Variants in PNPLA3 observed in about 807,000 individuals in gnomAD.
PNPLA3 encodes patatin like domain 3, 1-acylglycerol-3-phosphate O-acyltransferase, also known as 1-acylglycerol-3-phosphate O-acyltransferase PNPLA3.
A neutral mutation model predicts 43.1 loss-of-function variants in PNPLA3; 42 were observed. The observed-to-expected ratio is 0.97, with a 90% confidence interval of 0.76 to 1.26. The LOEUF (loss-of-function observed/expected upper bound fraction) is 1.26, where lower values mean the gene tolerates loss of function less well. PNPLA3 is among the 50% of genes most tolerant of loss of function. PNPLA3 has a pLI of 0.00. For missense variants in PNPLA3, 647 were observed against 621.4 expected (o/e 1.04, Z -0.44); for synonymous variants, 272 against 253.6 (o/e 1.07, Z -0.69).
At chr22:43,924,775 G>T (rs1325874657) in intron 1 of PNPLA3, among the ~76,000 whole-genome samples, 1 of 151,916 alleles carries the variant, frequency 6.6e-6, no homozygotes, top group Admixed American at 6.6e-5. Context: ...AGCCTCCCGA[G>T]TAGCTGGGAC....
At chr22:43,928,365 C>T (rs1462142107) in intron 2 of PNPLA3, among the ~76,000 whole-genome samples, 4 of 152,198 alleles carry the variant, frequency 2.6e-5, no homozygotes, top group South Asian at 2.1e-4. Flanking sequence ...GCAGCAGCTC[C>T]TTTGAGCTTA....
Position 43,940,139 on chromosome 22 carries a change from G to A in PNPLA3, c.1112+14G>A, listed in dbSNP as rs138736228. On this transcript the variant is annotated intron_variant, in intron 7 of 8. Transcript: ENST00000216180. ...GATTGTCCAGAGGTGAGCATTTTAG[G>A]TGGCTCCGTGTCTTCCTCACAGGGT... 5.3e-4 allele frequency: 852 copies of A among 1,611,980 alleles called. 17 individuals are homozygous for A. The South Asian group carries it at 7.9e-3, about 15-fold the overall frequency.
At position 43,947,142 on chromosome 22, in the gene PNPLA3, T is replaced by C. The variant is rs545853993; in HGVS notation, c.*760T>C. The C allele has an allele frequency of 1.3e-4, 25 of 190,136 alleles. No individual in the cohort carries two copies. The highest frequency in any genetic ancestry group is 2.4e-4 in the Non-Finnish European group (22 of 91,626). 11.8% of individuals were successfully genotyped at this position (190,136 alleles called of 1,614,324 possible). ...GGGAGGCCAAGGTTGGCAGATCACC[T>C]GAGGTCAGGAGTTCAAGACCAGTCT... On this transcript the variant is annotated 3_prime_UTR_variant, in exon 9 of 9. Transcript: ENST00000216180.
At chr22:43,929,356 A>T (rs528057072) in intron 3 of PNPLA3, among the ~76,000 whole-genome samples, 14 of 151,612 alleles carry the variant, frequency 9.2e-5, no homozygotes, top group Non-Finnish European at 2.1e-4. Context: ...TGCACCTGTA[A>T]TCCCAGCTGC....
intron 6 of PNPLA3, among the ~76,000 whole-genome samples, 186 bp from the exon 7 acceptor site, chr22:43,939,807 A>G (rs1224687473): frequency 1.3e-5 from 2 of 152,142 alleles, no homozygotes; most frequent in Non-Finnish European, 2.9e-5. Context: ...AACAAGAGCA[A>G]AACTCTGTCT....
chr22:43,935,573 G>A (rs1207523717), intron 5 of PNPLA3, among the ~76,000 whole-genome samples: 1 of 152,084 alleles, frequency 6.6e-6, no homozygotes, highest in African/African-American at 2.4e-5. Flanking sequence ...AAGACTTTGG[G>A]GATAAGTAGG....
chr22:43,934,465 C>G lies in PNPLA3; in HGVS notation c.697-141C>G, dbSNP rs538807230. 78 of 770,458 alleles carry G rather than the reference C, an allele frequency of 1.0e-4. No homozygotes were observed. The South Asian group carries it at 1.3e-3, about 13-fold the overall frequency. 47.7% of individuals were successfully genotyped at this position (770,458 alleles called of 1,614,324 possible). ...GGGAGCACAGAGCCCTTTGCTCAGC[C>G]CCCAGGTGGCTCAGTGCCCCCAGCC... On this transcript the variant is annotated intron_variant, in intron 4 of 8. Coordinates refer to ENST00000216180, the MANE Select transcript of PNPLA3 (RefSeq NM_025225.3).
At chr22:43,927,260 A>G in intron 2 of PNPLA3, 93 bp downstream of exon 2, 1 of 1,196,494 alleles carries the variant, frequency 8.4e-7, no homozygotes, top group Non-Finnish European at 1.2e-6. Context: ...GCACTTTGGG[A>G]GGCCGAAGCG....
intron 6 of PNPLA3, 64 bp from the exon 7 acceptor site, chr22:43,939,929 C>G: frequency 1.2e-6 from 2 of 1,611,696 alleles, no homozygotes; most frequent in Non-Finnish European, 1.7e-6. Flanking sequence ...TAAGCACCAA[C>G]AGAGTAAAGT....
rs990065153 is a variant in PNPLA3, at chr22:43,939,870, G to A, written c.980-123G>A. ...AAACCCCACCTTGTCGCTTTTGTGA[G>A]TGCCTCTGACCCTTTGGCTGCCAGG... On this transcript the variant is annotated intron_variant, in intron 6 of 8. Coordinates refer to ENST00000216180, the MANE Select transcript of PNPLA3 (RefSeq NM_025225.3). The A allele has an allele frequency of 2.7e-5, 36 of 1,349,792 alleles. No individual in the cohort carries two copies. In the African/African-American group the frequency reaches 4.4e-4, roughly 16 times the overall value. The allele number at this position is 1,349,792 out of a possible 1,614,324, so 83.6% of individuals were successfully genotyped here. A position where few individuals can be genotyped will look rare whatever the true frequency, so the allele number is the denominator to read the frequency against.
intron 5 of PNPLA3, among the ~76,000 whole-genome samples, chr22:43,936,386 G>A (rs2049995512): frequency 6.6e-6 from 1 of 152,134 alleles, no homozygotes. Context: ...TGGGCCAGGT[G>A]CAGCTGTGGT....
intron 3 of PNPLA3, among the ~76,000 whole-genome samples, chr22:43,929,102 TG>T (rs1354889124): frequency 6.6e-6 from 1 of 152,220 alleles, no homozygotes; most frequent in Non-Finnish European, 1.5e-5. Context: ...ATTAATTATT[TG>T]GCTATCTGTA....
intron 3 of PNPLA3, among the ~76,000 whole-genome samples, chr22:43,930,345 GT>G (rs2049954054): frequency 6.6e-6 from 1 of 152,202 alleles, no homozygotes; most frequent in Admixed American, 6.5e-5. Context: ...ATTCTCTGTA[GT>G]TTGGGGTCCA....
intron 4 of PNPLA3, 102 bp from the exon 5 acceptor site, chr22:43,934,504 C>G: frequency 8.2e-7 from 1 of 1,223,458 alleles, no homozygotes; most frequent in Non-Finnish European, 1.2e-6. Flanking sequence ...AGACTCAGAG[C>G]TTGCATGATT....
chr22:43,943,735 A>C (rs1237917608), intron 7 of PNPLA3, among the ~76,000 whole-genome samples: 1 of 152,014 alleles, frequency 6.6e-6, no homozygotes, highest in Non-Finnish European at 1.5e-5. Flanking sequence ...TTACACGAAG[A>C]TTTGGTGGGT....
chr22:43,944,827 G>C, intron 8 of PNPLA3, 32 bp downstream of exon 8: 1 of 1,559,516 alleles, frequency 6.4e-7, no homozygotes, highest in Non-Finnish European at 8.8e-7. Context: ...GTGTGGGCCG[G>C]ACGGGCACCT....
At chr22:43,928,986 G>T (rs1431509641) in intron 3 of PNPLA3, 97 bp downstream of exon 3, 2 of 1,265,410 alleles carry the variant, frequency 1.6e-6, no homozygotes, top group Non-Finnish European at 2.3e-6. Flanking sequence ...GGCACCTCAG[G>T]GTCTGTCCCA....
At chr22:43,927,979 T>G (rs867173985) in intron 2 of PNPLA3, among the ~76,000 whole-genome samples, 2 of 152,338 alleles carry the variant, frequency 1.3e-5, no homozygotes, top group Non-Finnish European at 2.9e-5. Flanking sequence ...TCTATGCATC[T>G]TCCATAATGA....
chr22:43,929,922 A>C (rs1332252542), intron 3 of PNPLA3, among the ~76,000 whole-genome samples: 1 of 152,180 alleles, frequency 6.6e-6, no homozygotes, highest in Non-Finnish European at 1.5e-5. Flanking sequence ...TGTAAACAAC[A>C]ACAAAAATCT....
Sources: allele counts gnomAD v4.1 joint callset (sites outside exome capture counted in the v4.1 genomes callset), GRCh38; gene constraint gnomAD v4.1.1; transcripts MANE v1.5; gene names NCBI Gene and HGNC (gene_info 2026-07-23, HGNC 2026-07-21).